CRB1: variants seen among roughly 807,000 people sequenced by gnomAD.
The protein encoded by CRB1 is protein crumbs homolog 1.
A neutral mutation model predicts 120.0 loss-of-function variants in CRB1; 83 were observed. The ratio of observed to expected loss-of-function variants is 0.69; its 90% confidence interval spans 0.58 to 0.83. The LOEUF (loss-of-function observed/expected upper bound fraction) is 0.83. CRB1 is among the 40% of genes least tolerant of loss of function. The pLI, the probability that CRB1 is intolerant of heterozygous loss-of-function variation, is 0.00. For missense variants in CRB1, 1,699 were observed against 1,687.6 expected, an observed-to-expected ratio of 1.01 and a Z score of -0.12; for synonymous variants, 625 against 612.5, an observed-to-expected ratio of 1.02 and a Z score of -0.30.
the CRB1 span, among the ~76,000 whole-genome samples, chr1:197,224,947 G>T: frequency 6.6e-6 from 1 of 151,908 alleles, no homozygotes; most frequent in Admixed American, 6.6e-5. Context: ...TAGATAATAT[G>T]TGCTTGAGAT....
At chr1:197,317,601 A>G (rs1407571919) in intron 1 of CRB1, among the ~76,000 whole-genome samples, 1 of 152,168 alleles carries the variant, frequency 6.6e-6, no homozygotes, top group Non-Finnish European at 1.5e-5. Context: ...AAATATACCA[A>G]AAGGCTAGAG....
At chr1:197,457,042 T>A (rs572165628) in intron 11 of CRB1, among the ~76,000 whole-genome samples, 2 of 152,154 alleles carry the variant, frequency 1.3e-5, no homozygotes, top group Non-Finnish European at 2.9e-5. Context: ...TTAAAGAATA[T>A]GTTGCTCATT....
In CRB1 at chr1:197,354,483, T is replaced by A. The variant is rs1571891042; in HGVS notation, c.989-2348T>A. Among the ~76,000 whole-genome samples the A allele has an allele frequency of 2.6e-5, 4 of 152,240 alleles. No individual in the cohort carries two copies. In the South Asian group the frequency reaches 8.3e-4, roughly 32 times the overall value. ...GTTCGGACGTGTTCAGAGTTTCTTC[T>A]TTCTGGTGGGTTCGTGGTCTTACTG... is the stretch of plus-strand genomic sequence containing the variant. On this transcript the variant is annotated intron_variant, in intron 4 of 11. Transcript: ENST00000367400.
intron 5 of CRB1, among the ~76,000 whole-genome samples, chr1:197,392,246 T>G (rs1662543765): frequency 6.6e-6 from 1 of 151,690 alleles, no homozygotes; most frequent in South Asian, 2.1e-4. Flanking sequence ...AAAACAAAGA[T>G]ATACATACAC....
intron 1 of CRB1, among the ~76,000 whole-genome samples, chr1:197,289,219 TCTTA>T (rs994927164): frequency 6.6e-5 from 10 of 151,888 alleles, no homozygotes; most frequent in Non-Finnish European, 1.2e-4. Context: ...TAATTATATC[TCTTA>T]CTTTTCTCTC....
At chr1:197,464,976 A>G (rs1418070265) in intron 11 of CRB1, among the ~76,000 whole-genome samples, 1 of 152,182 alleles carries the variant, frequency 6.6e-6, no homozygotes, top group Non-Finnish European at 1.5e-5. Flanking sequence ...TAGCAAAGGA[A>G]CAGAGTTCTT....
intron 1 of CRB1, among the ~76,000 whole-genome samples, chr1:197,293,352 C>A (rs559514239): frequency 1.3e-5 from 2 of 152,204 alleles, no homozygotes; most frequent in Non-Finnish European, 2.9e-5. Context: ...AACCAACTTA[C>A]AAAGGACGTG....
In CRB1 at chr1:197,423,269, T is replaced by A. The variant is rs562974904; in HGVS notation, c.2128+1313T>A. 5.3e-5 allele frequency among the ~76,000 whole-genome samples: 8 copies of A among 152,282 alleles called. No individual in the cohort carries two copies. In the East Asian group the frequency reaches 1.5e-3, roughly 29 times the overall value. On this transcript the variant is annotated intron_variant, in intron 6 of 11. Transcript: ENST00000367400. Reference sequence around the variant, plus strand: ...AGTAAATAGATTCAAGAGATGCCAATCCACTGGGTTCTGGTTTTCTTTATT... The same window carrying A: ...AGTAAATAGATTCAAGAGATGCCAAACCACTGGGTTCTGGTTTTCTTTATT...
At chr1:197,244,434 T>G in the CRB1 span, among the ~76,000 whole-genome samples, 1 of 152,052 alleles carries the variant, frequency 6.6e-6, no homozygotes, top group East Asian at 1.9e-4. Flanking sequence ...TTTTTCTGAA[T>G]ATAAGATTTG....
chr1:197,257,239 C>A, the CRB1 span, among the ~76,000 whole-genome samples: 1 of 151,994 alleles, frequency 6.6e-6, no homozygotes, highest in Admixed American at 6.6e-5. Context: ...GGAAAATTGC[C>A]CTTCTTCCAC....
intron 8 of CRB1, among the ~76,000 whole-genome samples, chr1:197,431,337 A>G (rs182715510): frequency 1.2e-4 from 19 of 152,302 alleles, no homozygotes; most frequent in African/African-American, 4.3e-4. Context: ...TTTCATACTT[A>G]AGAAATAGGT....
At chr1:197,295,597 A>G (rs1656472084) in intron 1 of CRB1, among the ~76,000 whole-genome samples, 2 of 152,016 alleles carry the variant, frequency 1.3e-5, no homozygotes, top group South Asian at 4.1e-4. Context: ...TATTTCACTG[A>G]TAATGGAATG....
the CRB1 span, among the ~76,000 whole-genome samples, chr1:197,248,335 C>T: frequency 1.3e-5 from 2 of 151,924 alleles, no homozygotes; most frequent in African/African-American, 4.8e-5. Flanking sequence ...TGGAGTCCGA[C>T]GGGTCTGATT....
At chr1:197,250,177 C>T in the CRB1 span, among the ~76,000 whole-genome samples, 1 of 151,876 alleles carries the variant, frequency 6.6e-6, no homozygotes, top group African/African-American at 2.4e-5. Flanking sequence ...GTTTATTGCT[C>T]TATATTTTTC....
At chr1:197,445,633 G>T (rs1284404861) in intron 11 of CRB1, among the ~76,000 whole-genome samples, 1 of 151,960 alleles carries the variant, frequency 6.6e-6, no homozygotes. Context: ...CTTTAATTTT[G>T]CAATATTAAA....
the CRB1 span, among the ~76,000 whole-genome samples, chr1:197,257,576 C>T: frequency 6.6e-6 from 1 of 152,084 alleles, no homozygotes; most frequent in Admixed American, 6.6e-5. Context: ...CAATCTCCAC[C>T]TTGGTTCCAA....
At chr1:197,362,117 T>C (rs1167117063) in intron 5 of CRB1, among the ~76,000 whole-genome samples, 1 of 152,142 alleles carries the variant, frequency 6.6e-6, no homozygotes, top group Non-Finnish European at 1.5e-5. Context: ...GAAATAAGAA[T>C]TGAATTGTTT....
intron 5 of CRB1, 35 bp from the exon 6 acceptor site, chr1:197,420,965 A>T (rs771098720): frequency 8.1e-7 from 1 of 1,239,022 alleles, no homozygotes; most frequent in South Asian, 1.2e-5. Context: ...TGATGTGAAT[A>T]TATATAATTT....
intron 7 of CRB1, 110 bp from the exon 8 acceptor site, chr1:197,429,339 A>C (rs1558133426): frequency 7.0e-7 from 1 of 1,427,374 alleles, no homozygotes; most frequent in Admixed American, 1.7e-5. Flanking sequence ...TTAAAATGTA[A>C]AGATGCAGGG....
Sources: allele counts gnomAD v4.1 joint callset (sites outside exome capture counted in the v4.1 genomes callset), GRCh38; gene constraint gnomAD v4.1.1; transcripts MANE v1.5; gene names NCBI Gene and HGNC (gene_info 2026-07-23, HGNC 2026-07-21).